Variants in ABL2 observed in about 807,000 individuals in gnomAD.
The protein encoded by ABL2 is tyrosine-protein kinase ABL2.
Under a neutral mutation model 107.7 loss-of-function variants are expected in ABL2, and 49 were observed. The ratio of observed to expected loss-of-function variants is 0.45; its 90% CI spans 0.36 to 0.58. The LOEUF (loss-of-function observed/expected upper bound fraction) is 0.58. ABL2 is among the 20% of genes least tolerant of loss of function. The pLI is 0.00. For synonymous variants in ABL2, 549 were observed against 548.6 expected (o/e 1.00, Z -0.01); for missense variants, 1,245 against 1,457.0 (o/e 0.85, Z 2.37).
In ABL2 at chr1:179,101,248, C is replaced by T. The variant is rs1281454227; in HGVS notation, c.*6470G>A. The T allele has an allele frequency of 4.5e-6, 1 of 223,454 alleles. No individual in the cohort carries two copies. The highest frequency in any genetic ancestry group is 8.9e-6 in the Non-Finnish European group (1 of 111,968). 13.8% of individuals were successfully genotyped at this position (223,454 alleles called of 1,614,324 possible). On this transcript the variant is annotated 3_prime_UTR_variant, in exon 12 of 12. Coordinates refer to ENST00000502732, the MANE Select transcript of ABL2 (RefSeq NM_007314.4). ...CTGCCATTCCAAGTCAGCTTTGAATCATGACCTGCCACAGGCCTCCTTACC... is the reference window on the plus strand; with the variant it reads ...CTGCCATTCCAAGTCAGCTTTGAATTATGACCTGCCACAGGCCTCCTTACC...
chr1:179,122,071 C>T (rs560582242), intron 4 of ABL2, among the ~76,000 whole-genome samples: 1 of 151,092 alleles, frequency 6.6e-6, no homozygotes, highest in East Asian at 1.9e-4. Flanking sequence ...GGACTATAGG[C>T]GCCCGCCACC....
rs947765671 is a variant in ABL2, at chr1:179,106,459, T to C, written c.*1259A>G. ...TAAATAAAGAATATTCCCAATAAGA[T>C]CTGTACAAATAAGCACAATGATTGG... On this transcript the variant is annotated 3_prime_UTR_variant, in exon 12 of 12. Transcript: ENST00000502732. 1 of 232,770 alleles carries C rather than the reference T, an allele frequency of 4.3e-6. No homozygotes were observed. Among genetic ancestry groups the C allele is most frequent in the African/African-American group, 2.2e-5 (1 of 45,300 alleles). The allele number at this position is 232,770 out of a possible 1,614,324, so 14.4% of individuals were successfully genotyped here. A position where few individuals can be genotyped will look rare whatever the true frequency, so the allele number is the denominator to read the frequency against.
At chr1:179,127,719 G>T (rs1655867323) in intron 3 of ABL2, among the ~76,000 whole-genome samples, 1 of 152,124 alleles carries the variant, frequency 6.6e-6, no homozygotes, top group African/African-American at 2.4e-5. Flanking sequence ...AAAGTAGAAG[G>T]AAGCCAAGTC....
At chr1:179,186,326 A>G (rs1030035282) in intron 1 of ABL2, among the ~76,000 whole-genome samples, 2 of 152,036 alleles carry the variant, frequency 1.3e-5, no homozygotes, top group African/African-American at 4.8e-5. Flanking sequence ...TTATTTCACA[A>G]TTCTTTTTGA....
intron 1 of ABL2, chr1:179,184,529 C>T: frequency 1.6e-6 from 1 of 625,282 alleles, no homozygotes; most frequent in Non-Finnish European, 2.8e-6. Context: ...CATTACAGTA[C>T]TACTTGGTTA....
chr1:179,180,795 T>C (rs950792486), intron 1 of ABL2, among the ~76,000 whole-genome samples: 1 of 152,248 alleles, frequency 6.6e-6, no homozygotes, highest in African/African-American at 2.4e-5. Context: ...AACATTTTTC[T>C]ATTCTGTCAT....
chr1:179,152,009 T>C (rs953435569), intron 1 of ABL2, among the ~76,000 whole-genome samples: 2 of 152,082 alleles, frequency 1.3e-5, no homozygotes, highest in Non-Finnish European at 2.9e-5. Flanking sequence ...CTATTACAGA[T>C]AAAGGAAGAG....
chr1:179,205,737 T>C (rs538100108), intron 1 of ABL2, among the ~76,000 whole-genome samples: 23 of 152,310 alleles, frequency 1.5e-4, no homozygotes, highest in African/African-American at 5.1e-4. Flanking sequence ...GGGATTGTTG[T>C]TGTGGATACT....
chr1:179,191,880 A>C (rs554105261), intron 1 of ABL2, among the ~76,000 whole-genome samples: 1 of 152,252 alleles, frequency 6.6e-6, no homozygotes, highest in Non-Finnish European at 1.5e-5. Flanking sequence ...AATTGAAATG[A>C]GACAGAAAAT....
intron 1 of ABL2, among the ~76,000 whole-genome samples, chr1:179,146,723 C>T (rs182950098): frequency 1.3e-5 from 2 of 152,218 alleles, no homozygotes; most frequent in African/African-American, 4.8e-5. Context: ...CTGGCATTTC[C>T]TCTCCTTGTA....
chr1:179,222,287 T>G (rs1182542736), intron 1 of ABL2, among the ~76,000 whole-genome samples: 3 of 152,190 alleles, frequency 2.0e-5, no homozygotes, highest in African/African-American at 4.8e-5. Context: ...TGGAGTGCAG[T>G]GGCGTGATCT....
intron 1 of ABL2, among the ~76,000 whole-genome samples, chr1:179,175,918 C>T (rs562223187): frequency 5.5e-4 from 80 of 146,754 alleles, no homozygotes; most frequent in African/African-American, 1.9e-3. Context: ...TACAGTGGTA[C>T]GATCTTGGCT....
intron 1 of ABL2, among the ~76,000 whole-genome samples, chr1:179,228,050 CAAAAAAAA>C (rs34070201): frequency 1.6e-5 from 1 of 63,396 alleles, no homozygotes; most frequent in South Asian, 5.9e-4. Context: ...ACTCCGTCTC[CAAAAAAAA>C]AAAAAAAAAA....
chr1:179,130,608 GTTTA>G (rs1194816109), intron 3 of ABL2, among the ~76,000 whole-genome samples: 1 of 152,090 alleles, frequency 6.6e-6, no homozygotes, highest in Non-Finnish European at 1.5e-5. Context: ...GGTAGGAAAG[GTTTA>G]TTTGATTTCC....
In ABL2 at chr1:179,226,946, A is replaced by C. The variant is rs539420564; in HGVS notation, c.157+2295T>G. 7.9e-5 allele frequency among the ~76,000 whole-genome samples: 12 copies of C among 152,332 alleles called. No individual in the cohort carries two copies. The South Asian group carries it at 2.3e-3, about 29-fold the overall frequency. ...GGGACTCTGTTATGTTCACAGCAAC[A>C]TTCCCACAATCCAGTACATAACAGG... is the stretch of plus-strand genomic sequence containing the variant. On this transcript the variant is annotated intron_variant, in intron 1 of 11. Transcript: ENST00000502732.
intron 3 of ABL2, 157 bp downstream of exon 3, chr1:179,131,154 G>A (rs965645985): frequency 1.0e-5 from 6 of 600,128 alleles, no homozygotes; most frequent in Non-Finnish European, 1.7e-5. Flanking sequence ...ATGTTGGCCA[G>A]GTTGGTCTCA....
intron 1 of ABL2, among the ~76,000 whole-genome samples, chr1:179,163,376 A>G (rs1165236353): frequency 6.6e-6 from 1 of 152,186 alleles, no homozygotes; most frequent in African/African-American, 2.4e-5. Context: ...ATTCTTGAGT[A>G]TTTACACTGG....
At chr1:179,199,731 CTTTTTT>C (rs55794608) in intron 1 of ABL2, among the ~76,000 whole-genome samples, 6,063 of 136,170 alleles carry the variant, frequency 0.045, 290 homozygotes, top group African/African-American at 0.12. Flanking sequence ...ACACTTTTTC[CTTTTTT>C]TTTTTTTTTT....
intron 1 of ABL2, among the ~76,000 whole-genome samples, chr1:179,153,552 A>T (rs1658495877): frequency 6.6e-6 from 1 of 152,162 alleles, no homozygotes; most frequent in Non-Finnish European, 1.5e-5. Context: ...TCTCTGTTCC[A>T]GGTTCACATT....
Sources: gnomAD v4.1 joint callset for allele counts (sites outside exome capture counted in the v4.1 genomes callset) on GRCh38, gnomAD v4.1.1 for gene constraint, MANE v1.5 for transcripts, NCBI Gene and HGNC (gene_info 2026-07-23, HGNC 2026-07-21) for gene names.